Variants in TBC1D22A observed in about 807,000 individuals in gnomAD.
TBC1D22A encodes TBC1 domain family member 22A.
TBC1D22A carries 38 observed loss-of-function variants against 60.2 expected under a neutral mutation model. The ratio of observed to expected loss-of-function variants is 0.63; its 90% CI spans 0.49 to 0.83. The LOEUF (loss-of-function observed/expected upper bound fraction) is 0.83, where lower values mean the gene tolerates loss of function less well. TBC1D22A is among the 40% of genes least tolerant of loss of function. The pLI is 0.00. For synonymous variants in TBC1D22A, 302 were observed against 281.7 expected, an observed-to-expected ratio of 1.07 and a Z score of -0.72; for missense variants, 628 against 701.0, an observed-to-expected ratio of 0.90 and a Z score of 1.18.
In TBC1D22A at chr22:46,863,502, G is replaced by A. The variant is rs373760058; in HGVS notation, c.638-15151G>A. ...CTTTGATGCCATTTCTTTCAGGCTG[G>A]CTGGGTTCTGACTGGTCAGGATAAG... On this transcript the variant is annotated intron_variant, in intron 4 of 12. Coordinates refer to ENST00000337137, the MANE Select transcript of TBC1D22A (RefSeq NM_014346.5). 2.0e-4 allele frequency among the ~76,000 whole-genome samples: 30 copies of A among 152,292 alleles called. 1 individual carries two copies. The South Asian group carries it at 5.0e-3, about 25-fold the overall frequency.
intron 1 of TBC1D22A, among the ~76,000 whole-genome samples, chr22:46,767,250 A>G (rs767403245): frequency 6.6e-6 from 1 of 152,038 alleles, no homozygotes; most frequent in African/African-American, 2.4e-5. Context: ...CCAGATTTTA[A>G]CTTTCTTTTT....
chr22:46,927,567 A>G (rs1198119471), intron 8 of TBC1D22A, among the ~76,000 whole-genome samples: 3 of 152,240 alleles, frequency 2.0e-5, no homozygotes, highest in Non-Finnish European at 4.4e-5. Context: ...CTCCACTTCT[A>G]TTTTAGTACT....
At chr22:47,102,604 A>G (rs28416501) in intron 11 of TBC1D22A, among the ~76,000 whole-genome samples, 1 of 152,236 alleles carries the variant, frequency 6.6e-6, no homozygotes, top group Admixed American at 6.5e-5. Context: ...AAGTCATCCA[A>G]GACAAATAAT....
intron 12 of TBC1D22A, among the ~76,000 whole-genome samples, chr22:47,115,093 C>T (rs1023182925): frequency 7.9e-5 from 12 of 152,108 alleles, no homozygotes; most frequent in Admixed American, 2.0e-4. Context: ...GGGATTGGTG[C>T]TGCACTCTGG....
intron 8 of TBC1D22A, among the ~76,000 whole-genome samples, chr22:46,917,341 C>G (rs2070436642): frequency 2.0e-5 from 3 of 152,120 alleles, no homozygotes; most frequent in Admixed American, 6.5e-5. Flanking sequence ...AGGCCCAGAC[C>G]AGAGGCCGGT....
At chr22:47,007,464 G>T (rs766116082) in intron 10 of TBC1D22A, among the ~76,000 whole-genome samples, 1 of 152,226 alleles carries the variant, frequency 6.6e-6, no homozygotes, top group Non-Finnish European at 1.5e-5. Flanking sequence ...AGGCTTTCCT[G>T]CCCCAGAGAT....
At chr22:47,089,058 C>G (rs2064813081) in intron 11 of TBC1D22A, among the ~76,000 whole-genome samples, 1 of 152,030 alleles carries the variant, frequency 6.6e-6, no homozygotes, top group Admixed American at 6.6e-5. Flanking sequence ...TCCACAAAAG[C>G]AGGACAGAGA....
intron 8 of TBC1D22A, among the ~76,000 whole-genome samples, chr22:46,936,712 C>G (rs563760905): frequency 6.6e-6 from 1 of 152,246 alleles, no homozygotes; most frequent in Admixed American, 6.5e-5. Context: ...CCTCACTCTG[C>G]GAGGACACAC....
intron 11 of TBC1D22A, among the ~76,000 whole-genome samples, chr22:47,042,098 C>CT (rs2062864430): frequency 6.6e-6 from 1 of 152,258 alleles, no homozygotes; most frequent in African/African-American, 2.4e-5. Context: ...GAAGATGGAA[C>CT]TGGGAGTCTA....
At chr22:47,140,635 C>T (rs542963759) in intron 12 of TBC1D22A, among the ~76,000 whole-genome samples, 9 of 152,326 alleles carry the variant, frequency 5.9e-5, no homozygotes, top group African/African-American at 4.8e-5. Context: ...CTCGTTTATC[C>T]GGAAGCTGGC....
At chr22:47,154,681 C>T (rs73481607) in intron 12 of TBC1D22A, among the ~76,000 whole-genome samples, 1,616 of 152,322 alleles carry the variant, frequency 0.011, 26 homozygotes, top group African/African-American at 0.037. Context: ...CGAGTTCAGA[C>T]GGCAGCTCTG....
chr22:46,791,583 G>A (rs801602), intron 1 of TBC1D22A, among the ~76,000 whole-genome samples: 6,511 of 150,394 alleles, frequency 0.043, 476 homozygotes, highest in African/African-American at 0.15. Context: ...ATTTCTTGCC[G>A]GCTATGAAAA....
intron 1 of TBC1D22A, among the ~76,000 whole-genome samples, chr22:46,787,491 G>A (rs542091940): frequency 1.6e-3 from 246 of 152,256 alleles, no homozygotes; most frequent in Non-Finnish European, 2.3e-3. Flanking sequence ...CTTTTGAAAA[G>A]TTGGTTTACT....
At chr22:46,918,757 G>C (rs1202413273) in intron 8 of TBC1D22A, among the ~76,000 whole-genome samples, 1 of 152,210 alleles carries the variant, frequency 6.6e-6, no homozygotes, top group African/African-American at 2.4e-5. Flanking sequence ...AGAAATGGGG[G>C]CCTGAATGTT....
chr22:46,857,718 T>C (rs932063836), intron 4 of TBC1D22A, among the ~76,000 whole-genome samples: 6 of 152,214 alleles, frequency 3.9e-5, no homozygotes, highest in Admixed American at 3.9e-4. Context: ...TGTGGATTCA[T>C]ATAAATGGAA....
At chr22:46,972,229 A>T (rs573940787) in intron 8 of TBC1D22A, among the ~76,000 whole-genome samples, 1 of 152,272 alleles carries the variant, frequency 6.6e-6, no homozygotes, top group African/African-American at 2.4e-5. Context: ...CCTAACATTG[A>T]TGTTTCCAAT....
intron 1 of TBC1D22A, among the ~76,000 whole-genome samples, chr22:46,776,100 C>A (rs1455555516): frequency 6.6e-6 from 1 of 152,316 alleles, no homozygotes; most frequent in East Asian, 1.9e-4. Flanking sequence ...GCCAGGAAGC[C>A]CTGTGGCAGT....
At chr22:46,764,998 A>C (rs1601765922) in intron 1 of TBC1D22A, among the ~76,000 whole-genome samples, 1 of 152,238 alleles carries the variant, frequency 6.6e-6, no homozygotes, top group South Asian at 2.1e-4. Context: ...TACAGTCTCC[A>C]GCTTTCTTCT....
At chr22:46,876,113 A>T (rs1457412586) in intron 4 of TBC1D22A, among the ~76,000 whole-genome samples, 1 of 152,186 alleles carries the variant, frequency 6.6e-6, no homozygotes, top group African/African-American at 2.4e-5. Flanking sequence ...GAAACTTTGT[A>T]GTTTTGTGGG....
Sources: allele counts gnomAD v4.1 joint callset (sites outside exome capture counted in the v4.1 genomes callset), GRCh38; gene constraint gnomAD v4.1.1; transcripts MANE v1.5; gene names NCBI Gene and HGNC (gene_info 2026-07-23, HGNC 2026-07-21).